Variants in SH3RF3 observed in about 807,000 individuals in gnomAD.
The protein encoded by SH3RF3 is E3 ubiquitin-protein ligase SH3RF3.
A neutral mutation model predicts 66.3 loss-of-function variants in SH3RF3; 29 were observed. The observed-to-expected ratio is 0.44, with a 90% CI of 0.33 to 0.60. The LOEUF (loss-of-function observed/expected upper bound fraction) is 0.60, where lower values mean the gene tolerates loss of function less well. Ranked by LOEUF, SH3RF3 falls within the 20% of genes least tolerant of loss-of-function variation. The pLI, the probability that SH3RF3 is intolerant of heterozygous loss-of-function variation, is 0.04. For synonymous variants in SH3RF3, 583 were observed against 532.0 expected (o/e 1.10, Z -1.32); for missense variants, 1,194 against 1,190.9 (o/e 1.00, Z -0.04).
chr2:109,358,642 G>C (rs2105614460), intron 2 of SH3RF3, among the ~76,000 whole-genome samples: 1 of 152,260 alleles, frequency 6.6e-6, no homozygotes, highest in Non-Finnish European at 1.5e-5. Context: ...CTGTTTTCTT[G>C]TTGTTGAGTT....
At chr2:109,477,613 G>GGTGTGTGTGT (rs71383845) in intron 8 of SH3RF3, among the ~76,000 whole-genome samples, 17 of 149,450 alleles carry the variant, frequency 1.1e-4, no homozygotes, top group South Asian at 4.3e-4. Flanking sequence ...GCCACAGATG[G>GGTGTGTGTGT]GTGTGTGTGT....
At chr2:109,333,266 G>A (rs1385456771) in intron 1 of SH3RF3, among the ~76,000 whole-genome samples, 1 of 152,214 alleles carries the variant, frequency 6.6e-6, no homozygotes, top group East Asian at 1.9e-4. Context: ...AGGGTGATTA[G>A]TTTCGCCTTT....
At chr2:109,275,579 G>C (rs1423729569) in intron 1 of SH3RF3, among the ~76,000 whole-genome samples, 1 of 152,170 alleles carries the variant, frequency 6.6e-6, no homozygotes, top group Admixed American at 6.5e-5. Context: ...ACTCAAAAGA[G>C]TGCCCCGCAC....
chr2:109,402,555 G>C (rs527272829), intron 4 of SH3RF3, among the ~76,000 whole-genome samples: 1 of 152,198 alleles, frequency 6.6e-6, no homozygotes, highest in Admixed American at 6.5e-5. Context: ...CTACAGCATG[G>C]GGCAGTGCTG....
chr2:109,366,447 T>G (rs1195689631), intron 2 of SH3RF3, among the ~76,000 whole-genome samples: 1 of 151,972 alleles, frequency 6.6e-6, no homozygotes, highest in Non-Finnish European at 1.5e-5. Context: ...TCACTACCAT[T>G]TATATCTTTC....
intron 1 of SH3RF3, among the ~76,000 whole-genome samples, chr2:109,171,371 T>A (rs6542800): frequency 0.86 from 131,618 of 152,254 alleles, 57,017 homozygotes; most frequent in African/African-American, 0.92. Flanking sequence ...AAATGATGGC[T>A]ATTTGTTGTT....
rs1681387803 is a variant in SH3RF3, at chr2:109,298,769, CT to C, written c.574-48904del. Reference sequence around the variant, plus strand: ...TCCCTGATCTAACCTTCTTCCACCCCTGGTCTGGTCCCTCTGTGTCTCTCCC... The same window carrying C: ...TCCCTGATCTAACCTTCTTCCACCCCGGTCTGGTCCCTCTGTGTCTCTCCC... On this transcript the variant is annotated intron_variant, in intron 1 of 9. Transcript: ENST00000309415. Among the ~76,000 whole-genome samples, 5 of 152,328 alleles carry C rather than the reference CT, an allele frequency of 3.3e-5. 1 individual carries two copies. In the Middle Eastern group the frequency reaches 0.017, roughly 518 times the overall value.
chr2:109,378,552 T>G (rs1683442470), intron 3 of SH3RF3, among the ~76,000 whole-genome samples: 1 of 152,226 alleles, frequency 6.6e-6, no homozygotes, highest in Non-Finnish European at 1.5e-5. Context: ...ACTGACTTTG[T>G]GAATTTTACT....
chr2:109,211,153 T>C (rs759195553), intron 1 of SH3RF3, among the ~76,000 whole-genome samples: 1 of 152,062 alleles, frequency 6.6e-6, no homozygotes, highest in African/African-American at 2.4e-5. Flanking sequence ...TTAAGCACAA[T>C]TAAAGGAGAA....
chr2:109,393,996 G>C (rs901491426), intron 3 of SH3RF3, among the ~76,000 whole-genome samples: 2 of 152,054 alleles, frequency 1.3e-5, no homozygotes, highest in South Asian at 4.1e-4. Context: ...CCTCCCCACC[G>C]GAGTCAGGAG....
rs370334548 is a variant in SH3RF3, at chr2:109,449,206, C to T, written c.1865C>T (p.Thr622Ile). ...GCAGCCCAGGCTCAGGACCGGCCAACTGCCACCGTGTCACCCCTGCGCACC... is the reference window on the plus strand; with the variant it reads ...GCAGCCCAGGCTCAGGACCGGCCAATTGCCACCGTGTCACCCCTGCGCACC... ...HSAAQAQDRPTATVSPLRTQN... is the reference protein window; with the variant it reads ...HSAAQAQDRPIATVSPLRTQN... The change falls in exon 8 of 10, where the codon ACT (threonine) becomes ATT (isoleucine). Residue 622 changes from threonine (T) to isoleucine (I), a missense_variant. Coordinates refer to ENST00000309415, the MANE Select transcript of SH3RF3 (RefSeq NM_001099289.3). The T allele has an allele frequency of 1.2e-6, 2 of 1,613,610 alleles. No individual in the cohort carries two copies. The highest frequency in any genetic ancestry group is 2.7e-5 in the African/African-American group (2 of 74,928).
chr2:109,475,647 A>G (rs570215998), intron 8 of SH3RF3, among the ~76,000 whole-genome samples: 1 of 152,292 alleles, frequency 6.6e-6, no homozygotes, highest in South Asian at 2.1e-4. Flanking sequence ...TGTGCTCTGC[A>G]TTGTAGGATG....
intron 5 of SH3RF3, 58 bp downstream of exon 5, chr2:109,419,700 G>C: frequency 6.7e-7 from 1 of 1,501,204 alleles, no homozygotes; most frequent in Non-Finnish European, 9.0e-7. Flanking sequence ...CTCCTGCCTG[G>C]GCTGACCTGT....
chr2:109,191,870 C>G (rs940072122), intron 1 of SH3RF3, among the ~76,000 whole-genome samples: 11 of 152,154 alleles, frequency 7.2e-5, no homozygotes, highest in African/African-American at 2.7e-4. Context: ...CTGAGACCAG[C>G]ATTTTTGAAA....
chr2:109,490,574 T>C (rs1679102474), intron 8 of SH3RF3, 31 bp from the exon 9 acceptor site: 1 of 1,400,004 alleles, frequency 7.1e-7, no homozygotes, highest in East Asian at 2.6e-5. Flanking sequence ...AGCATTCACC[T>C]GTTTGGTTTC....
chr2:109,184,386 G>C (rs12469209), intron 1 of SH3RF3, among the ~76,000 whole-genome samples: 124,405 of 152,220 alleles, frequency 0.82, 50,967 homozygotes, highest in East Asian at 0.89. Flanking sequence ...ATGCAGAAAG[G>C]CAGCTTTTCA....
At chr2:109,479,089 C>T (rs530076980) in intron 8 of SH3RF3, among the ~76,000 whole-genome samples, 2 of 152,260 alleles carry the variant, frequency 1.3e-5, no homozygotes, top group African/African-American at 4.8e-5. Flanking sequence ...GGCTGCAGGT[C>T]AGAGCACCAG....
At chr2:109,239,276 T>C (rs1313376053) in intron 1 of SH3RF3, among the ~76,000 whole-genome samples, 1 of 152,166 alleles carries the variant, frequency 6.6e-6, no homozygotes, top group Non-Finnish European at 1.5e-5. Flanking sequence ...ATTTGTTTTC[T>C]TGGGGGTCTC....
chr2:109,386,183 A>C (rs1257918363), intron 3 of SH3RF3, among the ~76,000 whole-genome samples: 2 of 152,224 alleles, frequency 1.3e-5, no homozygotes, highest in Non-Finnish European at 2.9e-5. Flanking sequence ...TGCTCCTTTC[A>C]ACAGAGCTGG....
Sources: gnomAD v4.1 joint callset for allele counts (sites outside exome capture counted in the v4.1 genomes callset) on GRCh38, gnomAD v4.1.1 for gene constraint, MANE v1.5 for transcripts, NCBI Gene and HGNC (gene_info 2026-07-23, HGNC 2026-07-21) for gene names.